The following TP53I11 variants were observed in gnomAD, a reference collection of about 807,000 sequenced individuals.
TP53I11 encodes tumor protein p53-inducible protein 11.
Under a neutral mutation model 23.3 loss-of-function variants are expected in TP53I11, and 9 were observed. The observed-to-expected ratio is 0.39, with a 90% CI of 0.23 to 0.67. The LOEUF (loss-of-function observed/expected upper bound fraction) is 0.67. Among genes scored for constraint, TP53I11 ranks in the 30% least tolerant of loss-of-function variants. The probability of loss-of-function intolerance (pLI) is 0.48; values close to 1 mark genes in which losing one functional copy is unlikely to be tolerated. For synonymous variants in TP53I11, 100 were observed against 106.1 expected (o/e 0.94, Z 0.35); for missense variants, 170 against 255.2 (o/e 0.67, Z 2.27).
At chr11:44,935,695 G>T in intron 5 of TP53I11, 33 bp from the exon 6 acceptor site, 1 of 1,368,464 alleles carries the variant, frequency 7.3e-7, no homozygotes, top group South Asian at 1.2e-5. Flanking sequence ...GGCTGGGGGT[G>T]GGACAGCTGA....
intron 1 of TP53I11, among the ~76,000 whole-genome samples, chr11:44,942,415 A>C (rs1473079722): frequency 7.9e-6 from 1 of 126,460 alleles, no homozygotes; most frequent in Non-Finnish European, 1.6e-5. Context: ...CACACACACC[A>C]CACACACACA....
rs1860893081 is a variant in TP53I11, at chr11:44,934,809, A to T, written c.*75T>A. The T allele has an allele frequency of 1.9e-6, 3 of 1,592,836 alleles. No individual in the cohort carries two copies. Among genetic ancestry groups the T allele is most frequent in the African/African-American group, 1.3e-5 (1 of 74,426 alleles). Reference sequence around the variant, plus strand: ...AGGGCAGGGGACCCTCCTGCCTTCCAGGAGCCAAAGGGAAGCCGAGGCCCC... The same window carrying T: ...AGGGCAGGGGACCCTCCTGCCTTCCTGGAGCCAAAGGGAAGCCGAGGCCCC... On this transcript the variant is annotated 3_prime_UTR_variant, in exon 7 of 7. Transcript: ENST00000525680.
intron 5 of TP53I11, chr11:44,935,963 CT>C: frequency 2.1e-6 from 1 of 473,134 alleles, no homozygotes. Context: ...GACTGAGCCC[CT>C]GGCCCCTGCC....
chr11:44,949,013 C>A (rs567080699), intron 1 of TP53I11, among the ~76,000 whole-genome samples: 2 of 152,236 alleles, frequency 1.3e-5, no homozygotes, highest in East Asian at 3.9e-4. Flanking sequence ...TTTGGAAGCA[C>A]GGAGGAAGTT....
At chr11:44,946,589 G>C (rs769507851) in intron 1 of TP53I11, among the ~76,000 whole-genome samples, 1 of 152,220 alleles carries the variant, frequency 6.6e-6, no homozygotes, top group African/African-American at 2.4e-5. Context: ...GTTGAGAAAG[G>C]TTCCACGCCC....
intron 1 of TP53I11, among the ~76,000 whole-genome samples, chr11:44,941,411 A>T (rs1434994711): frequency 2.6e-5 from 4 of 152,196 alleles, no homozygotes; most frequent in Admixed American, 1.3e-4. Context: ...TCACTGCTCA[A>T]GCCAGAAGGC....
At chr11:44,942,510 C>T (rs189227340) in intron 1 of TP53I11, among the ~76,000 whole-genome samples, 3 of 152,000 alleles carry the variant, frequency 2.0e-5, no homozygotes, top group Non-Finnish European at 4.4e-5. Context: ...GAGTCAACAA[C>T]AGCTGCTGCA....
Position 44,934,909 on chromosome 11 carries a change from A to T in TP53I11, c.545T>A (p.Val182Asp). 2 of 1,614,134 alleles carry T rather than the reference A, an allele frequency of 1.2e-6. No individual in the cohort carries two copies. The highest frequency in any genetic ancestry group is 1.7e-6 in the Non-Finnish European group (2 of 1,179,994). The change falls in exon 7 of 7, where the codon GTC becomes GAC. Residue 182 changes from valine (V) to aspartate (D), a missense_variant. Coordinates refer to ENST00000525680, the MANE Select transcript of TP53I11 (RefSeq NM_006034.5). ...VVISIYYYYQ[V>D]GRRPKKA is the part of the protein sequence containing the mutation. ...CTAGGCCTTCTTGGGTCTTCGGCCG[A>T]CTTGGTAATAGTAGTAAATGCTGAT...
rs367915158 is a variant in TP53I11, at chr11:44,935,560, C to A, written c.436+1G>T. On this transcript the variant is annotated splice_donor_variant, in intron 6 of 6. Coordinates refer to ENST00000525680, the MANE Select transcript of TP53I11 (RefSeq NM_006034.5). LOFTEE classifies it high-confidence loss of function. ...CCCTCACTGCCCACCTCAGGACTCA[C>A]CCAAGAACTGGACCCCGAAATAGCA... is the stretch of plus-strand genomic sequence containing the variant. 1 of 1,614,024 alleles carries A rather than the reference C, an allele frequency of 6.2e-7. No homozygotes were observed. The highest frequency in any genetic ancestry group is 8.5e-7 in the Non-Finnish European group (1 of 1,179,946).
At chr11:44,948,264 C>T (rs1862581845) in intron 1 of TP53I11, among the ~76,000 whole-genome samples, 1 of 152,190 alleles carries the variant, frequency 6.6e-6, no homozygotes, top group Non-Finnish European at 1.5e-5. Flanking sequence ...CCTCACTTCC[C>T]TCACCTGTGA....
intron 1 of TP53I11, chr11:44,939,397 CA>C (rs1861529670): frequency 6.6e-6 from 1 of 152,258 alleles, no homozygotes; most frequent in East Asian, 1.9e-4. Flanking sequence ...GGACCACTTC[CA>C]GAATCTCATT....
rs538261561 is a variant in TP53I11 at position 44,934,972 on chromosome 11, A to T, written c.482T>A (p.Ile161Asn). The T allele has an allele frequency of 1.2e-6, 2 of 1,614,084 alleles. No individual in the cohort carries two copies. The highest frequency in any genetic ancestry group is 2.2e-5 in the South Asian group (2 of 91,088). The change falls in exon 7 of 7, where the codon ATC becomes AAC. Residue 161 changes from isoleucine (I) to asparagine (N), a missense_variant. Physicochemically the swap from Ile to Asn is moderately radical, Grantham distance 149. Transcript: ENST00000525680. Reference protein sequence around the residue: ...LAETGLMSLGILLLLVSRLLF... With the variant: ...LAETGLMSLGNLLLLVSRLLF... ...GAGGCGGCTGACCAGGAGCAGCAGG[A>T]TCCCCAGGGACATGAGGCCCGTCTC...
intron 1 of TP53I11, among the ~76,000 whole-genome samples, chr11:44,945,578 A>G (rs1862309532): frequency 6.6e-6 from 1 of 152,042 alleles, no homozygotes; most frequent in African/African-American, 2.4e-5. Flanking sequence ...GGTGGTCGCC[A>G]GCATCTGGAC....
intron 1 of TP53I11, among the ~76,000 whole-genome samples, chr11:44,942,208 G>GCACACACACCCACCACA (rs59033354): frequency 0.15 from 13,080 of 89,536 alleles, 654 homozygotes; most frequent in East Asian, 0.23. Context: ...TACCCACCAC[G>GCACACACACCCACCACA]CACACACACC....
intron 1 of TP53I11, 183 bp from the exon 2 acceptor site, chr11:44,938,549 G>T: frequency 1.6e-6 from 1 of 616,786 alleles, no homozygotes; most frequent in Non-Finnish European, 2.6e-6. Context: ...ATGCTCTCCA[G>T]GCCCCTGAGG....
chr11:44,936,764 C>T lies in TP53I11; in HGVS notation c.334+39G>A, dbSNP rs1264333680. On this transcript the variant is annotated intron_variant, in intron 5 of 6. Transcript: ENST00000525680. This position sits in a 1 kb window ranked among gnomAD's most constrained non-coding sequence, Gnocchi z 4.4. Reference sequence around the variant, plus strand: ...TCAGCCCCGCTGGGTCTCCCAGCTGCCCGTCGCCTCCCCCAGGGCCCGCCC... The same window carrying T: ...TCAGCCCCGCTGGGTCTCCCAGCTGTCCGTCGCCTCCCCCAGGGCCCGCCC... 1 of 1,482,352 alleles carries T rather than the reference C, an allele frequency of 6.7e-7. No homozygotes were observed. The highest frequency in any genetic ancestry group is 9.0e-7 in the Non-Finnish European group (1 of 1,116,414). 91.8% of individuals were successfully genotyped at this position (1,482,352 alleles called of 1,614,324 possible).
Position 44,950,659 on chromosome 11 carries a change from G to C in TP53I11, c.-32+18C>G, listed in dbSNP as rs1862866208. 1 of 152,168 alleles carries C rather than the reference G, an allele frequency of 6.6e-6. No homozygotes were observed. The highest frequency in any genetic ancestry group is 2.4e-5 in the African/African-American group (1 of 41,406). 9.4% of individuals were successfully genotyped at this position (152,168 alleles called of 1,614,324 possible). On this transcript the variant is annotated intron_variant, in intron 1 of 6. Transcript: ENST00000525680. ...GAAAGTCCGCGGCTCGGAAGCGGCG[G>C]CGGGGAGCAGAACTTACGGGCCTCG...
At chr11:44,945,273 T>C (rs1862276898) in intron 1 of TP53I11, among the ~76,000 whole-genome samples, 1 of 152,150 alleles carries the variant, frequency 6.6e-6, no homozygotes, top group African/African-American at 2.4e-5. Flanking sequence ...GCGGGGCAAG[T>C]ACTTCAAGAC....
chr11:44,934,946 G>A lies in TP53I11; in HGVS notation c.508C>T (p.Leu170Phe). 1 of 1,614,140 alleles carries A rather than the reference G, an allele frequency of 6.2e-7. No homozygotes were observed. Among genetic ancestry groups the A allele is most frequent in the Non-Finnish European group, 8.5e-7 (1 of 1,180,006 alleles). Reference sequence around the variant, plus strand: ...TAGTAAATGCTGATGACGACAAAAAGGAGGCGGCTGACCAGGAGCAGCAGG... The same window carrying A: ...TAGTAAATGCTGATGACGACAAAAAAGAGGCGGCTGACCAGGAGCAGCAGG... The part of the protein sequence containing the change: ...GILLLLVSRL[L>F]FVVISIYYYY... Residue 170 changes from leucine to phenylalanine, a missense_variant, in exon 7 of 7, where the codon CTT becomes TTT. Coordinates refer to ENST00000525680, the MANE Select transcript of TP53I11 (RefSeq NM_006034.5).
Sources: gnomAD v4.1 joint callset for allele counts (sites outside exome capture counted in the v4.1 genomes callset) on GRCh38, gnomAD v4.1.1 for gene constraint, Gnocchi (gnomAD v3.1) non-coding constraint, MANE v1.5 for transcripts, NCBI Gene and HGNC (gene_info 2026-07-23, HGNC 2026-07-21) for gene names.